STK4: variants seen among roughly 807,000 people sequenced by gnomAD.
The protein encoded by STK4 is serine/threonine kinase 4.
In STK4, 30 loss-of-function variants were observed where a neutral mutation model predicts 64.9. The observed-to-expected ratio is 0.46, with a 90% CI of 0.35 to 0.63. The LOEUF (loss-of-function observed/expected upper bound fraction) is 0.63, where lower values mean the gene tolerates loss of function less well. Ranked by LOEUF, STK4 falls within the 20% of genes least tolerant of loss-of-function variation. STK4 has a pLI of 0.01. For missense variants in STK4, 466 were observed against 598.5 expected (o/e 0.78, Z 2.31); for synonymous variants, 177 against 199.0 (o/e 0.89, Z 0.93).
chr20:44,967,180 C>T (rs1269803433), intron 1 of STK4: 3 of 985,230 alleles, frequency 3.0e-6, no homozygotes, highest in Non-Finnish European at 3.6e-6. Flanking sequence ...GTGGTGTCCC[C>T]ACTGTAGGAT....
Position 45,024,970 on chromosome 20 carries a change from C to T in STK4, c.1148-3C>T. ...TTCATTTTTCATTTTTCTTTGTTTT[C>T]AGGAAGGGATGAGACCATGCAGCCT... is the stretch of plus-strand genomic sequence containing the variant. On this transcript the variant is annotated splice_region_variant and splice_polypyrimidine_tract_variant and intron_variant, in intron 9 of 10. Coordinates refer to ENST00000372806, the MANE Select transcript of STK4 (RefSeq NM_006282.5). The T allele has an allele frequency of 6.5e-7, 1 of 1,544,712 alleles. No individual in the cohort carries two copies.
chr20:45,041,569 T>A (rs1322288397), intron 10 of STK4, among the ~76,000 whole-genome samples: 2 of 152,240 alleles, frequency 1.3e-5, no homozygotes. Context: ...TTTAAGTTGA[T>A]TGCTTCATAA....
At chr20:45,010,355 G>A (rs1601259318) in intron 9 of STK4, among the ~76,000 whole-genome samples, 1 of 152,148 alleles carries the variant, frequency 6.6e-6, no homozygotes, top group African/African-American at 2.4e-5. Context: ...GTGAGCCACC[G>A]CGCCCGGCCT....
At chr20:45,007,802 ATG>A in intron 9 of STK4, 1 of 424,948 alleles carries the variant, frequency 2.4e-6, no homozygotes. Flanking sequence ...CAGGGGGTAC[ATG>A]TGCAGGTTTG....
Position 45,007,726 on chromosome 20 carries a change from T to C in STK4, c.1147+6373T>C, listed in dbSNP as rs1344586133. On this transcript the variant is annotated intron_variant, in intron 9 of 10. Transcript: ENST00000372806. ...TTCACTGAGAATCCAGGGATGGCTT[T>C]TGTTTGTTCGAAACAATTGTTTATT... 1.6e-5 allele frequency: 6 copies of C among 386,862 alleles called. No individual in the cohort carries two copies. The East Asian group carries it at 3.6e-4, about 23-fold the overall frequency. 24.0% of individuals were successfully genotyped at this position (386,862 alleles called of 1,614,324 possible).
At chr20:44,969,716 T>A (rs1405060407) in intron 1 of STK4, among the ~76,000 whole-genome samples, 1 of 152,188 alleles carries the variant, frequency 6.6e-6, no homozygotes, top group Non-Finnish European at 1.5e-5. Flanking sequence ...CTTGTTCATT[T>A]ATGAGCAAGT....
chr20:45,000,945 T>C (rs1601239038), intron 8 of STK4, among the ~76,000 whole-genome samples: 1 of 152,226 alleles, frequency 6.6e-6, no homozygotes, highest in East Asian at 1.9e-4. Context: ...TTAAGAAGAG[T>C]AGAGGAAGAA....
intron 10 of STK4, among the ~76,000 whole-genome samples, chr20:45,070,445 G>T (rs1445022561): frequency 6.6e-6 from 1 of 152,138 alleles, no homozygotes; most frequent in Non-Finnish European, 1.5e-5. Context: ...GGAGGCGGGG[G>T]TGAGGGAAAA....
chr20:45,074,050 G>C (rs1980306640), intron 10 of STK4, among the ~76,000 whole-genome samples: 1 of 152,186 alleles, frequency 6.6e-6, no homozygotes, highest in Admixed American at 6.5e-5. Flanking sequence ...CCTGTGCTTT[G>C]CTAGTCTTCT....
chr20:45,064,185 T>C (rs1320123243), intron 10 of STK4, among the ~76,000 whole-genome samples: 1 of 152,194 alleles, frequency 6.6e-6, no homozygotes, highest in Non-Finnish European at 1.5e-5. Flanking sequence ...TAGGGATTCC[T>C]TTCCCCATTG....
intron 5 of STK4, among the ~76,000 whole-genome samples, chr20:44,991,613 G>A (rs901768521): frequency 2.6e-5 from 4 of 151,688 alleles, no homozygotes; most frequent in Middle Eastern, 3.4e-3. Context: ...ATAAAAATTC[G>A]TTTGTAAATG....
chr20:44,990,058 C>T (rs2067603747), intron 5 of STK4, among the ~76,000 whole-genome samples: 1 of 152,144 alleles, frequency 6.6e-6, no homozygotes, highest in Admixed American at 6.5e-5. Flanking sequence ...ATTTTAGGAT[C>T]AGCTTGTCAA....
chr20:45,026,752 G>A (rs190154371), intron 10 of STK4, among the ~76,000 whole-genome samples: 1 of 152,106 alleles, frequency 6.6e-6, no homozygotes, highest in South Asian at 2.1e-4. Flanking sequence ...CTGAACACAG[G>A]TGCAGTGTTT....
At chr20:45,013,842 A>G (rs2068094916) in intron 9 of STK4, among the ~76,000 whole-genome samples, 1 of 151,844 alleles carries the variant, frequency 6.6e-6, no homozygotes, top group Admixed American at 6.6e-5. Flanking sequence ...AATTGTTAAA[A>G]TTGTCACTGT....
rs1283999192 is a variant in STK4 at position 45,031,910 on chromosome 20, A to G, written c.1305+6780A>G. ...ACACAGCGAGACTTCATCTCAAAAA[A>G]AAAAAAAAAAAAAAATCAGATGAAA... On this transcript the variant is annotated intron_variant, in intron 10 of 10. Transcript: ENST00000372806. 2.0e-5 allele frequency among the ~76,000 whole-genome samples: 3 copies of G among 151,914 alleles called. No homozygotes were observed. The East Asian group carries it at 5.8e-4, about 29-fold the overall frequency.
chr20:44,986,085 C>T (rs2067525934), intron 4 of STK4, among the ~76,000 whole-genome samples: 1 of 152,060 alleles, frequency 6.6e-6, no homozygotes. Context: ...TGCCAGGTGG[C>T]TTTATTGGTA....
rs373871998 is a variant in STK4, at chr20:45,025,566, G to A, written c.1305+436G>A. On this transcript the variant is annotated intron_variant, in intron 10 of 10. Coordinates refer to ENST00000372806, the MANE Select transcript of STK4 (RefSeq NM_006282.5). Reference sequence around the variant, plus strand: ...GGATTATTCTCAGTTTTTTTCAGAGGATGAATGTATAATTATTCCAGTTTC... The same window carrying A: ...GGATTATTCTCAGTTTTTTTCAGAGAATGAATGTATAATTATTCCAGTTTC... 5.3e-5 allele frequency among the ~76,000 whole-genome samples: 8 copies of A among 152,164 alleles called. 1 individual carries two copies. The highest frequency in any genetic ancestry group is 1.9e-4 in the East Asian group (1 of 5,190).
intron 10 of STK4, among the ~76,000 whole-genome samples, chr20:45,044,560 G>T (rs2068663630): frequency 6.6e-6 from 1 of 152,096 alleles, no homozygotes; most frequent in East Asian, 1.9e-4. Flanking sequence ...TGGTTGAGGT[G>T]GGAGGCTTGC....
At chr20:45,015,671 A>G (rs560616532) in intron 9 of STK4, among the ~76,000 whole-genome samples, 1 of 152,332 alleles carries the variant, frequency 6.6e-6, no homozygotes, top group East Asian at 1.9e-4. Context: ...ATTGATTTTT[A>G]GCATCAGTCT....
Sources: allele counts gnomAD v4.1 joint callset (sites outside exome capture counted in the v4.1 genomes callset), GRCh38; gene constraint gnomAD v4.1.1; transcripts MANE v1.5; gene names NCBI Gene and HGNC (gene_info 2026-07-23, HGNC 2026-07-21).